PRC1: variants seen among roughly 807,000 people sequenced by gnomAD.
The protein encoded by PRC1 is anaphase spindle elongation 1 homolog.
Under a neutral mutation model 91.2 loss-of-function variants are expected in PRC1, and 54 were observed. That is an observed-to-expected ratio of 0.59 (90% CI 0.48 to 0.74). PRC1 has a LOEUF of 0.74. Among genes scored for constraint, PRC1 ranks in the 30% least tolerant of loss-of-function variants. The probability of loss-of-function intolerance (pLI) is 0.00; values close to 1 mark genes in which losing one functional copy is unlikely to be tolerated. For missense variants in PRC1, 727 were observed against 746.2 expected, an observed-to-expected ratio of 0.97 and a Z score of 0.30; for synonymous variants, 275 against 263.6, an observed-to-expected ratio of 1.04 and a Z score of -0.42.
At chr15:90,970,542 A>T in intron 11 of PRC1, 28 bp from the exon 12 acceptor site, 1 of 1,470,972 alleles carries the variant, frequency 6.8e-7, no homozygotes, top group Non-Finnish European at 9.5e-7. Flanking sequence ...TGGGTAACTG[A>T]TGTGCAGTAA....
chr15:90,976,952 G>A (rs761955399), intron 8 of PRC1, among the ~76,000 whole-genome samples, 181 bp from the exon 9 acceptor site: 18 of 151,870 alleles, frequency 1.2e-4, no homozygotes, highest in East Asian at 5.8e-4. Flanking sequence ...CCAACATGGC[G>A]AAACCCCATC....
chr15:90,987,737 G>A (rs1406001703), intron 1 of PRC1: 1 of 152,060 alleles, frequency 6.6e-6, no homozygotes, highest in Non-Finnish European at 1.5e-5. Context: ...AAACACTTAA[G>A]GTCTTTGTGT....
chr15:90,986,793 C>T (rs561366748), intron 1 of PRC1, among the ~76,000 whole-genome samples: 20 of 151,266 alleles, frequency 1.3e-4, no homozygotes, highest in African/African-American at 4.9e-4. Context: ...ACCTGTAAAG[C>T]GAGTCTGTTT....
intron 8 of PRC1, among the ~76,000 whole-genome samples, chr15:90,978,921 C>T (rs1391068649): frequency 3.9e-5 from 6 of 152,066 alleles, no homozygotes; most frequent in African/African-American, 1.4e-4. Flanking sequence ...ACACTGCCCA[C>T]CTCTGAACCT....
rs1383223962 is a variant in PRC1 at position 90,969,636 on chromosome 15, G to C, written c.1573-13C>G. ...AAGCAGCGACTGGCTGCAGAGAAAG[G>C]AAAGAGATCCATGTATCATCCTTCT... On this transcript the variant is annotated splice_polypyrimidine_tract_variant and intron_variant, in intron 12 of 14. Transcript: ENST00000394249. The C allele has an allele frequency of 7.6e-6, 12 of 1,580,208 alleles. No homozygotes were observed. Among genetic ancestry groups the C allele is most frequent in the Non-Finnish European group, 1.0e-5 (12 of 1,160,772 alleles).
intron 14 of PRC1, chr15:90,968,796 T>C: frequency 8.1e-7 from 1 of 1,237,802 alleles, no homozygotes; most frequent in Non-Finnish European, 1.0e-6. Context: ...TTGCAGGCCT[T>C]TGATGTCACA....
intron 14 of PRC1, 138 bp downstream of exon 14, chr15:90,968,941 G>T: frequency 6.7e-7 from 1 of 1,482,438 alleles, no homozygotes; most frequent in Admixed American, 2.5e-5. Context: ...GTGTTTTTTT[G>T]AGTCCATGAT....
In PRC1 at chr15:90,975,278, T is replaced by C. The variant is rs775470496; in HGVS notation, c.1204-547A>G. Among the ~76,000 whole-genome samples the C allele has an allele frequency of 3.9e-5, 6 of 152,146 alleles. No homozygotes were observed. The South Asian group carries it at 1.2e-3, about 32-fold the overall frequency. On this transcript the variant is annotated intron_variant, in intron 9 of 14. Coordinates refer to ENST00000394249, the MANE Select transcript of PRC1 (RefSeq NM_003981.4). Reference sequence around the variant, plus strand: ...ACGCCACACCTGGTTAATTTTTGTATTTTTTAGTAGAGATGGGGTTTCGTC... The same window carrying C: ...ACGCCACACCTGGTTAATTTTTGTACTTTTTAGTAGAGATGGGGTTTCGTC...
chr15:90,970,121 G>C (rs2037978275), intron 12 of PRC1, among the ~76,000 whole-genome samples: 1 of 152,078 alleles, frequency 6.6e-6, no homozygotes, highest in African/African-American at 2.4e-5. Context: ...CTGAGGACTG[G>C]GCTTGGAATT....
At chr15:90,990,253 T>C (rs2039887130) in intron 1 of PRC1, among the ~76,000 whole-genome samples, 1 of 151,708 alleles carries the variant, frequency 6.6e-6, no homozygotes, top group Admixed American at 6.6e-5. Context: ...GGAGAATTGC[T>C]TGAATCCGGG....
rs766447902 is a variant in PRC1 at position 90,974,701 on chromosome 15, A to G, written c.1234T>C (p.Leu412=). 6.2e-6 allele frequency: 10 copies of G among 1,614,198 alleles called. No homozygotes were observed. The highest frequency in any genetic ancestry group is 8.5e-6 in the Non-Finnish European group (10 of 1,180,038). ...LEEELKARIE[L]WEQEHSKAFM... Reference sequence around the variant, plus strand: ...GCCTTTGAATGTTCCTGTTCCCACAATTCAATTCGTGCCTTCAACTCTTCT... The same window carrying G: ...GCCTTTGAATGTTCCTGTTCCCACAGTTCAATTCGTGCCTTCAACTCTTCT... The change falls in exon 10 of 15, where the codon TTG becomes CTG. Residue 412 remains leucine, a synonymous_variant. Coordinates refer to ENST00000394249, the MANE Select transcript of PRC1 (RefSeq NM_003981.4). This position sits in a 1 kb window ranked among gnomAD's most constrained non-coding sequence, Gnocchi z 4.6.
Position 90,966,982 on chromosome 15 carries a change from T to G in PRC1, c.*149A>C, listed in dbSNP as rs1201147946. The G allele has an allele frequency of 4.4e-6, 3 of 680,032 alleles. No individual in the cohort carries two copies. In the African/African-American group the frequency reaches 5.4e-5, roughly 12 times the overall value. 42.1% of individuals were successfully genotyped at this position (680,032 alleles called of 1,614,324 possible). ...TATGATGGGCTTTCAACTGTAACAC[T>G]CATTCACATCTTTAAGTTAGGCCCA... On this transcript the variant is annotated 3_prime_UTR_variant, in exon 15 of 15. Coordinates refer to ENST00000394249, the MANE Select transcript of PRC1 (RefSeq NM_003981.4).
Position 90,974,523 on chromosome 15 carries a change from CTA to C in PRC1, c.1350+60_1350+61del. The C allele has an allele frequency of 6.2e-7, 1 of 1,605,326 alleles. No individual in the cohort carries two copies. The highest frequency in any genetic ancestry group is 8.5e-7 in the Non-Finnish European group (1 of 1,175,006). On this transcript the variant is annotated intron_variant, in intron 10 of 14. Transcript: ENST00000394249. This position sits in a 1 kb window ranked among gnomAD's most constrained non-coding sequence, Gnocchi z 4.6. Reference sequence around the variant, plus strand: ...CACAAACCCTGGTCCCCGGCAGAGACTATGGGCTGCTCAGATTACTTTCTTCG... The same window carrying C: ...CACAAACCCTGGTCCCCGGCAGAGACTGGGCTGCTCAGATTACTTTCTTCG...
At chr15:90,980,456 C>G (rs1047510713) in intron 6 of PRC1, 67 bp from the exon 7 acceptor site, 4 of 1,510,230 alleles carry the variant, frequency 2.6e-6, no homozygotes, top group East Asian at 2.3e-5. Context: ...TGCAAAAGAT[C>G]CCCCCCTTTT....
intron 1 of PRC1, among the ~76,000 whole-genome samples, chr15:90,991,576 T>C (rs1432713673): frequency 1.3e-5 from 2 of 152,140 alleles, no homozygotes; most frequent in Admixed American, 6.5e-5. Flanking sequence ...AAAACTAACA[T>C]TTCTCACTCT....
intron 14 of PRC1, chr15:90,967,522 A>G (rs2037616639): frequency 7.3e-6 from 2 of 273,496 alleles, no homozygotes; most frequent in Non-Finnish European, 1.4e-5. Context: ...GGCCACATAC[A>G]CTATGGTGGT....
chr15:90,975,570 A>ACT (rs5814454), intron 9 of PRC1, among the ~76,000 whole-genome samples: 81,444 of 151,790 alleles, frequency 0.54, 26,477 homozygotes, highest in East Asian at 0.99. Context: ...AGCCCACAGG[A>ACT]CTCTCTCTCA....
At chr15:90,991,341 G>A (rs866945492) in intron 1 of PRC1, among the ~76,000 whole-genome samples, 4 of 151,510 alleles carry the variant, frequency 2.6e-5, no homozygotes, top group African/African-American at 4.8e-5. Context: ...ACTTGAACCC[G>A]GTGAACCCAG....
In PRC1 at chr15:90,994,353, C is replaced by T. The variant is rs2040170511; in HGVS notation, c.11+54G>A. 5.6e-6 allele frequency: 9 copies of T among 1,611,742 alleles called. No individual in the cohort carries two copies. In the South Asian group the frequency reaches 9.9e-5, roughly 18 times the overall value. On this transcript the variant is annotated intron_variant, in intron 1 of 14. Transcript: ENST00000394249. ...CCGCACCCCTGAACAGGCCCCGCAG[C>T]CGAAACGAGCGTCGCTCCCTCCCGC...
Sources: gnomAD v4.1 joint callset for allele counts (sites outside exome capture counted in the v4.1 genomes callset) on GRCh38, gnomAD v4.1.1 for gene constraint, Gnocchi (gnomAD v3.1) non-coding constraint, MANE v1.5 for transcripts, NCBI Gene and HGNC (gene_info 2026-07-23, HGNC 2026-07-21) for gene names.